CHLSN: variants seen among roughly 807,000 people sequenced by gnomAD.
CHLSN encodes protein cholesin.
At chr7:1,053,696 AGT>A in the CHLSN span, among the ~76,000 whole-genome samples, 3 of 152,184 alleles carry the variant, frequency 2.0e-5, no homozygotes, top group African/African-American at 7.2e-5. Flanking sequence ...GTGTGGTGGC[AGT>A]CGCCTGTAAT....
At chr7:988,394 G>C in the CHLSN span, 1 of 1,612,644 alleles carries the variant, frequency 6.2e-7, no homozygotes, top group Non-Finnish European at 8.5e-7. Context: ...TGTGAAGCGG[G>C]AGGCCTTCCT....
the CHLSN span, among the ~76,000 whole-genome samples, chr7:1,064,105 C>G: frequency 5.3e-5 from 8 of 152,310 alleles, no homozygotes; most frequent in African/African-American, 1.9e-4. Context: ...CACACACATA[C>G]ATGCGTGCAA....
At chr7:1,009,040 T>TGC in the CHLSN span, among the ~76,000 whole-genome samples, 1 of 72,688 alleles carries the variant, frequency 1.4e-5, no homozygotes, top group East Asian at 2.5e-4. Flanking sequence ...CGTACACACA[T>TGC]GCACACACGT....
the CHLSN span, among the ~76,000 whole-genome samples, chr7:1,135,874 T>TAA: frequency 7.4e-6 from 1 of 134,314 alleles, no homozygotes; most frequent in African/African-American, 2.8e-5. Context: ...TATATAAAAA[T>TAA]ATATATGAAT....
the CHLSN span, among the ~76,000 whole-genome samples, chr7:1,073,877 C>T: frequency 2.1e-5 from 1 of 47,484 alleles, no homozygotes; most frequent in Non-Finnish European, 4.2e-5. Flanking sequence ...GACGCCCGCC[C>T]CGACCCCGCA....
the CHLSN span, among the ~76,000 whole-genome samples, chr7:1,020,689 C>G: frequency 6.6e-6 from 1 of 152,202 alleles, no homozygotes; most frequent in East Asian, 1.9e-4. Flanking sequence ...CTGCAGGAAA[C>G]AGAGGCTCCC....
At chr7:1,092,528 T>C in the CHLSN span, 2 of 1,608,394 alleles carry the variant, frequency 1.2e-6, no homozygotes, top group Non-Finnish European at 1.7e-6. Flanking sequence ...GTGGTGCTGG[T>C]CTTCTTCGTC....
the CHLSN span, chr7:1,021,547 G>A: frequency 9.1e-6 from 9 of 985,342 alleles, no homozygotes; most frequent in South Asian, 3.3e-4. Context: ...CCACCGCACA[G>A]GAGTAGGGCT....
At chr7:1,019,525 G>T in the CHLSN span, among the ~76,000 whole-genome samples, 1 of 152,212 alleles carries the variant, frequency 6.6e-6, no homozygotes, top group African/African-American at 2.4e-5. Context: ...CCTCACTGCA[G>T]CACCCGGGCT....
the CHLSN span, among the ~76,000 whole-genome samples, chr7:1,114,566 G>C: frequency 6.6e-6 from 1 of 152,238 alleles, no homozygotes; most frequent in African/African-American, 2.4e-5. Flanking sequence ...ATGGCCTAAC[G>C]CTGTTCCTGC....
At chr7:1,027,037 G>A in the CHLSN span, 1 of 152,216 alleles carries the variant, frequency 6.6e-6, no homozygotes, top group South Asian at 2.1e-4. Flanking sequence ...CCTGGAAGAT[G>A]TTTGAGCAAC....
At chr7:1,017,009 G>GCAGCACACAC in the CHLSN span, among the ~76,000 whole-genome samples, 36 of 133,876 alleles carry the variant, frequency 2.7e-4, 1 homozygote, top group African/African-American at 9.7e-4. Context: ...GGAGCACACA[G>GCAGCACACAC]CAGCACACAG....
the CHLSN span, among the ~76,000 whole-genome samples, chr7:1,041,319 CGGGG>C: frequency 1.1e-3 from 131 of 116,076 alleles, 3 homozygotes; most frequent in African/African-American, 3.2e-3. Context: ...GTCCGCGCTG[CGGGG>C]AAGGGGGCCT....
chr7:1,035,515 C>T, the CHLSN span, among the ~76,000 whole-genome samples: 2 of 152,248 alleles, frequency 1.3e-5, no homozygotes, highest in South Asian at 4.1e-4. Flanking sequence ...AGAAGATTTA[C>T]AGATGGCAAA....
At chr7:1,086,995 C>G in the CHLSN span, 4 of 152,270 alleles carry the variant, frequency 2.6e-5, no homozygotes, top group Admixed American at 1.3e-4. Flanking sequence ...GCCTGGACAG[C>G]CCACGCGGGC....
chr7:999,259 G>T, the CHLSN span, among the ~76,000 whole-genome samples: 367 of 152,354 alleles, frequency 2.4e-3, 2 homozygotes, highest in East Asian at 0.016. Context: ...AGTTGTCCCT[G>T]GCTCTGTTAA....
At chr7:1,069,008 G>T in the CHLSN span, among the ~76,000 whole-genome samples, 1 of 152,186 alleles carries the variant, frequency 6.6e-6, no homozygotes, top group African/African-American at 2.4e-5. Context: ...CTGCCCACCA[G>T]ACACCCGATC....
chr7:998,457 C>CTTTTTTTTTTTTTTTTTT, the CHLSN span, among the ~76,000 whole-genome samples: 4 of 95,024 alleles, frequency 4.2e-5, no homozygotes, highest in African/African-American at 7.9e-5. Context: ...GTCTTAGATT[C>CTTTTTTTTTTTTTTTTTT]TTTTTTTTTT....
At chr7:1,063,446 G>A in the CHLSN span, among the ~76,000 whole-genome samples, 8 of 152,286 alleles carry the variant, frequency 5.3e-5, no homozygotes, top group African/African-American at 1.2e-4. Flanking sequence ...CCCGTGTCCC[G>A]TGTCCTACGG....
Sources: gnomAD v4.1 joint callset for allele counts (sites outside exome capture counted in the v4.1 genomes callset) on GRCh38, gnomAD v4.1.1 for gene constraint, MANE v1.5 for transcripts, NCBI Gene and HGNC (gene_info 2026-07-23, HGNC 2026-07-21) for gene names.